Variants in CCNY observed in about 807,000 individuals in gnomAD.
CCNY encodes the protein cyclin Y.
Under a neutral mutation model 42.8 loss-of-function variants are expected in CCNY, and 19 were observed. The ratio of observed to expected loss-of-function variants is 0.44; its 90% CI spans 0.31 to 0.65. The LOEUF (loss-of-function observed/expected upper bound fraction) is 0.65, where lower values mean the gene tolerates loss of function less well. Among genes scored for constraint, CCNY ranks in the 30% least tolerant of loss-of-function variants. The probability of loss-of-function intolerance (pLI) is 0.07; values close to 1 mark genes in which losing one functional copy is unlikely to be tolerated. For missense variants in CCNY, 370 were observed against 437.3 expected (o/e 0.85, Z 1.37); for synonymous variants, 165 against 162.7 (o/e 1.01, Z -0.11).
chr10:35,358,809 C>CT (rs1191760371), intron 1 of CCNY, among the ~76,000 whole-genome samples: 2 of 152,222 alleles, frequency 1.3e-5, no homozygotes, highest in Non-Finnish European at 2.9e-5. Flanking sequence ...ATTCCGGCTC[C>CT]TGAGGAGCTA....
At chr10:35,396,741 G>C (rs906662518) in intron 1 of CCNY, among the ~76,000 whole-genome samples, 2 of 152,136 alleles carry the variant, frequency 1.3e-5, no homozygotes, top group Non-Finnish European at 2.9e-5. Context: ...GGGAGCAGTC[G>C]CTGGAGGTGC....
chr10:35,254,838 A>G (rs933548075), intron 3 of CCNY, among the ~76,000 whole-genome samples: 12 of 147,780 alleles, frequency 8.1e-5, no homozygotes, highest in African/African-American at 2.8e-4. Flanking sequence ...CTCAAAAAAA[A>G]AAAAAAAAAA....
intron 2 of CCNY, among the ~76,000 whole-genome samples, chr10:35,483,720 T>C (rs553021853): frequency 6.6e-6 from 1 of 152,350 alleles, no homozygotes; most frequent in East Asian, 1.9e-4. Flanking sequence ...TCTACATACA[T>C]TGTGTCATGG....
chr10:35,524,919 C>T (rs1840621975), intron 4 of CCNY, among the ~76,000 whole-genome samples: 1 of 152,074 alleles, frequency 6.6e-6, no homozygotes, highest in South Asian at 2.1e-4. Context: ...AGATGTTTGG[C>T]AATATGTGTT....
In CCNY at chr10:35,539,743, C is replaced by T. The variant is rs532569255; in HGVS notation, c.579+9500C>T. On this transcript the variant is annotated intron_variant, in intron 7 of 9. Coordinates refer to ENST00000374704, the MANE Select transcript of CCNY (RefSeq NM_145012.6). Reference sequence around the variant, plus strand: ...CAGAGGTTGCAGTGAGCCAAGATTGCGCCACTGCACTCCAGCCTGGTGACA... The same window carrying T: ...CAGAGGTTGCAGTGAGCCAAGATTGTGCCACTGCACTCCAGCCTGGTGACA... Among the ~76,000 whole-genome samples, 8 of 152,224 alleles carry T rather than the reference C, an allele frequency of 5.3e-5. No homozygotes were observed. The East Asian group carries it at 5.8e-4, about 11-fold the overall frequency.
chr10:35,315,518 G>A (rs1835749675), intron 3 of CCNY: 1 of 152,186 alleles, frequency 6.6e-6, no homozygotes, highest in Non-Finnish European at 1.5e-5. Flanking sequence ...TACTGTTGAT[G>A]AGCATTTAGG....
intron 1 of CCNY, chr10:35,449,890 A>C: frequency 1.4e-6 from 1 of 725,402 alleles, no homozygotes; most frequent in Non-Finnish European, 1.7e-6. Context: ...ATCTCGCACC[A>C]CTCAGGGCCT....
At chr10:35,543,331 A>G (rs1020915763) in intron 7 of CCNY, among the ~76,000 whole-genome samples, 3 of 152,230 alleles carry the variant, frequency 2.0e-5, no homozygotes, top group African/African-American at 7.2e-5. Flanking sequence ...TCTGAAGGAA[A>G]AAGAGTCCTC....
At chr10:35,556,183 G>GAA (rs1841359234) in intron 8 of CCNY, among the ~76,000 whole-genome samples, 3 of 152,168 alleles carry the variant, frequency 2.0e-5, no homozygotes, top group Non-Finnish European at 4.4e-5. Flanking sequence ...GCCTGTAGCT[G>GAA]GGCAAAGGAA....
intron 1 of CCNY, among the ~76,000 whole-genome samples, chr10:35,351,635 A>T (rs1371523049): frequency 6.6e-6 from 1 of 152,232 alleles, no homozygotes; most frequent in Non-Finnish European, 1.5e-5. Flanking sequence ...GGAAACAGGG[A>T]TATATTTCTG....
intron 3 of CCNY, among the ~76,000 whole-genome samples, chr10:35,284,719 G>T (rs1835334842): frequency 6.6e-6 from 1 of 151,986 alleles, no homozygotes; most frequent in East Asian, 1.9e-4. Flanking sequence ...ATTGATTTAA[G>T]ACCTTTTTCT....
At chr10:35,453,540 G>C (rs1215920420) in intron 1 of CCNY, among the ~76,000 whole-genome samples, 1 of 152,304 alleles carries the variant, frequency 6.6e-6, no homozygotes, top group African/African-American at 2.4e-5. Context: ...AAAGTTTTGG[G>C]TGCAGTCTAC....
chr10:35,419,173 G>A (rs890396281), intron 1 of CCNY, among the ~76,000 whole-genome samples: 2 of 152,122 alleles, frequency 1.3e-5, no homozygotes, highest in African/African-American at 4.8e-5. Context: ...AAGTAGTTAG[G>A]ATACTATTTT....
At chr10:35,285,227 G>A (rs867732186) in intron 3 of CCNY, among the ~76,000 whole-genome samples, 1 of 152,100 alleles carries the variant, frequency 6.6e-6, no homozygotes, top group Middle Eastern at 3.4e-3. Flanking sequence ...TAGAGAGAGG[G>A]TTTTGCCATG....
intron 1 of CCNY, among the ~76,000 whole-genome samples, chr10:35,346,874 G>A (rs1345530922): frequency 2.6e-5 from 4 of 152,214 alleles, no homozygotes; most frequent in Non-Finnish European, 4.4e-5. Flanking sequence ...CCATCTGCCC[G>A]CCTCGGCCTT....
At chr10:35,370,153 TG>T (rs1312666570) in intron 1 of CCNY, among the ~76,000 whole-genome samples, 3 of 150,722 alleles carry the variant, frequency 2.0e-5, no homozygotes, top group Non-Finnish European at 4.4e-5. Flanking sequence ...CACATATCCA[TG>T]TTTTTTTTTT....
chr10:35,364,361 T>G (rs1836765233), intron 1 of CCNY, among the ~76,000 whole-genome samples: 1 of 152,224 alleles, frequency 6.6e-6, no homozygotes, highest in African/African-American at 2.4e-5. Flanking sequence ...TGGTCTACAT[T>G]AACACCAATA....
intron 3 of CCNY, among the ~76,000 whole-genome samples, chr10:35,254,878 T>C (rs1440419401): frequency 6.9e-6 from 1 of 145,010 alleles, no homozygotes; most frequent in Admixed American, 6.9e-5. Flanking sequence ...AAAAAAGGTG[T>C]GTTGTTTAAT....
intron 3 of CCNY, among the ~76,000 whole-genome samples, chr10:35,288,828 T>G (rs1037266372): frequency 1.3e-5 from 2 of 152,242 alleles, no homozygotes; most frequent in African/African-American, 4.8e-5. Flanking sequence ...TTTTGAGTTT[T>G]TCCTCACTGC....
Sources: gnomAD v4.1 joint callset for allele counts (sites outside exome capture counted in the v4.1 genomes callset) on GRCh38, gnomAD v4.1.1 for gene constraint, MANE v1.5 for transcripts, NCBI Gene and HGNC (gene_info 2026-07-23, HGNC 2026-07-21) for gene names.